The following TENM2 variants were observed in gnomAD, a reference collection of about 807,000 sequenced individuals.
The protein encoded by TENM2 is teneurin-2.
TENM2 carries 52 observed loss-of-function variants against 245.2 expected under a neutral mutation model. The ratio of observed to expected loss-of-function variants is 0.21; its 90% CI spans 0.17 to 0.27. TENM2 has a LOEUF of 0.27. Among genes scored for constraint, TENM2 ranks in the 10% least tolerant of loss-of-function variants. The pLI is 1.00. For synonymous variants in TENM2, 1,363 were observed against 1,438.9 expected (o/e 0.95, Z 1.19); for missense variants, 3,046 against 3,666.8 (o/e 0.83, Z 4.37).
chr5:167,617,876 A>C lies in TENM2; in HGVS notation c.502+242403A>C, dbSNP rs1317398467. On this transcript the variant is annotated intron_variant, in intron 2 of 28. Transcript: ENST00000518659. ...TTCAGAATGAAGGAATAAGTTAATT[A>C]ATTAATTTTGCTCACATATGAATTT... Among the ~76,000 whole-genome samples, 3 of 152,194 alleles carry C rather than the reference A, an allele frequency of 2.0e-5. No individual in the cohort carries two copies. In the East Asian group the frequency reaches 5.8e-4, roughly 29 times the overall value.
At chr5:167,567,977 C>A (rs200421875) in intron 2 of TENM2, among the ~76,000 whole-genome samples, 261 of 141,528 alleles carry the variant, frequency 1.8e-3, no homozygotes, top group Non-Finnish European at 1.9e-3. Context: ...ATATATTGTA[C>A]AAAAAAAAAA....
the TENM2 span, among the ~76,000 whole-genome samples, chr5:167,142,964 G>A: frequency 6.6e-6 from 1 of 152,170 alleles, no homozygotes; most frequent in Non-Finnish European, 1.5e-5. Flanking sequence ...TTTGGCAGTA[G>A]CCTAAATACC....
chr5:168,191,399 C>G (rs1351503352), intron 14 of TENM2, among the ~76,000 whole-genome samples: 1 of 152,048 alleles, frequency 6.6e-6, no homozygotes, highest in Non-Finnish European at 1.5e-5. Context: ...TATGGCTTGG[C>G]CATGCTTGAT....
chr5:167,079,532 T>G, the TENM2 span, among the ~76,000 whole-genome samples: 1 of 151,068 alleles, frequency 6.6e-6, no homozygotes, highest in Non-Finnish European at 1.5e-5. Context: ...AGGCTGGTCT[T>G]GAACTCCCGA....
intron 3 of TENM2, among the ~76,000 whole-genome samples, chr5:167,940,758 A>G (rs1779113280): frequency 1.3e-5 from 2 of 152,188 alleles, no homozygotes; most frequent in Non-Finnish European, 2.9e-5. Flanking sequence ...CAATTCCTAC[A>G]CACCACACAA....
At chr5:167,847,670 A>G (rs1707265842) in intron 2 of TENM2, among the ~76,000 whole-genome samples, 1 of 152,218 alleles carries the variant, frequency 6.6e-6, no homozygotes, top group South Asian at 2.1e-4. Context: ...CACCTTCAAT[A>G]CAGATGTTCA....
intron 1 of TENM2, among the ~76,000 whole-genome samples, chr5:167,309,279 G>A (rs1182269266): frequency 6.6e-6 from 1 of 152,100 alleles, no homozygotes; most frequent in Non-Finnish European, 1.5e-5. Flanking sequence ...ACTGCAACGT[G>A]GTCCCTGATT....
intron 2 of TENM2, chr5:167,755,129 C>T (rs1205823705): frequency 6.3e-7 from 1 of 1,599,096 alleles, no homozygotes; most frequent in South Asian, 1.1e-5. Context: ...CTTATGGAGA[C>T]CCGGCAGTAC....
At chr5:167,258,417 A>G in the TENM2 span, among the ~76,000 whole-genome samples, 1 of 152,140 alleles carries the variant, frequency 6.6e-6, no homozygotes, top group South Asian at 2.1e-4. Context: ...ACACTGTCAG[A>G]TGCTGTGGTA....
At chr5:167,108,931 A>G in the TENM2 span, among the ~76,000 whole-genome samples, 2 of 152,142 alleles carry the variant, frequency 1.3e-5, no homozygotes, top group South Asian at 2.1e-4. Flanking sequence ...AATCTTACCA[A>G]TCCAAATAAT....
chr5:168,004,970 C>T (rs1329314798), intron 5 of TENM2, among the ~76,000 whole-genome samples: 22 of 152,282 alleles, frequency 1.4e-4, no homozygotes, highest in African/African-American at 4.6e-4. Flanking sequence ...TCTCCACCCT[C>T]GCTTCTTTGG....
Position 167,979,827 on chromosome 5 carries a change from G to A in TENM2, c.948-13117G>A, listed in dbSNP as rs990661078. Among the ~76,000 whole-genome samples, 10 of 152,102 alleles carry A rather than the reference G, an allele frequency of 6.6e-5. 1 individual carries two copies. Among genetic ancestry groups the A allele is most frequent in the Admixed American group, 2.6e-4 (4 of 15,258 alleles). On this transcript the variant is annotated intron_variant, in intron 4 of 28. Coordinates refer to ENST00000518659, the Ensembl canonical transcript of TENM2. The stretch of plus-strand genomic sequence containing the variant: ...TCACAACAGATTTTAAAAAATAACC[G>A]TGTGTAGGAATAATACGAACATGAT...
intron 2 of TENM2, among the ~76,000 whole-genome samples, chr5:167,857,789 A>G (rs1001670260): frequency 3.9e-5 from 6 of 152,298 alleles, no homozygotes; most frequent in African/African-American, 1.4e-4. Flanking sequence ...ATCATTTTCT[A>G]TGAAGGCAGA....
At chr5:167,590,048 T>C (rs1161127706) in intron 2 of TENM2, among the ~76,000 whole-genome samples, 1 of 151,888 alleles carries the variant, frequency 6.6e-6, no homozygotes, top group Non-Finnish European at 1.5e-5. Flanking sequence ...ATTTTAGTTA[T>C]TCTACAGTTT....
intron 2 of TENM2, among the ~76,000 whole-genome samples, chr5:167,662,249 G>A (rs1755262352): frequency 6.6e-6 from 1 of 152,258 alleles, no homozygotes; most frequent in Non-Finnish European, 1.5e-5. Context: ...TTGGGTATGG[G>A]GAGTTGGGGT....
chr5:167,124,798 G>C, the TENM2 span, among the ~76,000 whole-genome samples: 25 of 151,674 alleles, frequency 1.6e-4, no homozygotes, highest in African/African-American at 6.1e-4. Context: ...ATAAATAGTT[G>C]GTTTCTCCAT....
chr5:168,111,407 C>G (rs1676091205), intron 9 of TENM2, among the ~76,000 whole-genome samples: 2 of 152,088 alleles, frequency 1.3e-5, no homozygotes, highest in African/African-American at 4.8e-5. Flanking sequence ...ACTAAAGCGT[C>G]TGAGTACTCT....
intron 10 of TENM2, among the ~76,000 whole-genome samples, chr5:168,120,682 C>G (rs185357153): frequency 1.3e-5 from 2 of 152,248 alleles, no homozygotes; most frequent in African/African-American, 4.8e-5. Context: ...TTCTGCTACC[C>G]AAAAAGAATG....
chr5:167,861,201 G>T (rs1771771270), intron 2 of TENM2, among the ~76,000 whole-genome samples: 1 of 151,908 alleles, frequency 6.6e-6, no homozygotes, highest in Non-Finnish European at 1.5e-5. Flanking sequence ...CTTCTCCATA[G>T]ATTTTCTCAT....
Sources: gnomAD v4.1 joint callset for allele counts (sites outside exome capture counted in the v4.1 genomes callset) on GRCh38, gnomAD v4.1.1 for gene constraint, MANE v1.5 for transcripts, NCBI Gene and HGNC (gene_info 2026-07-23, HGNC 2026-07-21) for gene names.